Variants in NIPBL observed in about 807,000 individuals in gnomAD.
The protein encoded by NIPBL is nipped-B-like protein.
In NIPBL, 19 loss-of-function variants were observed where a neutral mutation model predicts 321.8. The observed-to-expected ratio is 0.06, with a 90% CI of 0.04 to 0.09. The LOEUF (loss-of-function observed/expected upper bound fraction) is 0.09. Ranked by LOEUF, NIPBL falls within the 10% of genes least tolerant of loss-of-function variation. The probability of loss-of-function intolerance (pLI) is 1.00; values close to 1 mark genes in which losing one functional copy is unlikely to be tolerated. For synonymous variants in NIPBL, 1,106 were observed against 1,114.1 expected, an observed-to-expected ratio of 0.99 and a Z score of 0.14; for missense variants, 2,210 against 3,327.0, an observed-to-expected ratio of 0.66 and a Z score of 8.26.
At chr5:36,984,581 C>T (rs777595352) in intron 9 of NIPBL, 95 bp from the exon 10 acceptor site, 1 of 1,151,434 alleles carries the variant, frequency 8.7e-7, no homozygotes, top group Non-Finnish European at 1.2e-6. Flanking sequence ...ATTTTAAAAA[C>T]ATAACCTTAA....
chr5:36,995,861 T>G, intron 11 of NIPBL, 57 bp downstream of exon 11: 17 of 1,465,768 alleles, frequency 1.2e-5, no homozygotes, highest in Non-Finnish European at 1.6e-5. Context: ...GGTTGATGTG[T>G]TTTTCTCATT....
chr5:37,052,223 C>A, intron 41 of NIPBL, 143 bp from the exon 42 acceptor site: 1 of 702,250 alleles, frequency 1.4e-6, no homozygotes, highest in South Asian at 1.8e-5. Flanking sequence ...TCTAATGTTC[C>A]TTCTAGCACT....
rs1272100912 is a variant in NIPBL at position 37,065,876 on chromosome 5, T to G, written c.*984T>G. On this transcript the variant is annotated 3_prime_UTR_variant, in exon 47 of 47. Coordinates refer to ENST00000282516, the MANE Select transcript of NIPBL (RefSeq NM_133433.4). Reference sequence around the variant, plus strand: ...TGTCATGATGCTGATATTTATTCTTTAAACCTCGGGTAAAGGTAACCTGTT... The same window carrying G: ...TGTCATGATGCTGATATTTATTCTTGAAACCTCGGGTAAAGGTAACCTGTT... 3 of 152,630 alleles carry G rather than the reference T, an allele frequency of 2.0e-5. No individual in the cohort carries two copies. Among genetic ancestry groups the G allele is most frequent in the Non-Finnish European group, 4.4e-5 (3 of 68,004 alleles). The allele number at this position is 152,630 out of a possible 1,614,324, so 9.5% of individuals were successfully genotyped here. A position where few individuals can be genotyped will look rare whatever the true frequency, so the allele number is the denominator to read the frequency against.
chr5:36,926,440 G>A (rs1439335688), intron 1 of NIPBL, among the ~76,000 whole-genome samples: 2 of 152,188 alleles, frequency 1.3e-5, no homozygotes, highest in African/African-American at 2.4e-5. Flanking sequence ...GGTAGAGACA[G>A]CCAAAAGGCT....
intron 1 of NIPBL, among the ~76,000 whole-genome samples, chr5:36,888,428 T>C (rs1386716080): frequency 1.3e-5 from 2 of 152,150 alleles, no homozygotes; most frequent in African/African-American, 4.8e-5. Context: ...ATTTCAATAC[T>C]TTGTGTTTAT....
At chr5:37,007,969 A>G (rs368842264) in intron 18 of NIPBL, 39 bp from the exon 19 acceptor site, 6 of 1,145,410 alleles carry the variant, frequency 5.2e-6, no homozygotes, top group Non-Finnish European at 6.6e-6. Flanking sequence ...ACTGAAATCA[A>G]CTAAAGGTGT....
chr5:36,879,937 C>G (rs1745379736), intron 1 of NIPBL, among the ~76,000 whole-genome samples: 1 of 151,966 alleles, frequency 6.6e-6, no homozygotes, highest in Non-Finnish European at 1.5e-5. Flanking sequence ...AATTTGTTTA[C>G]TAAAGTTATC....
intron 7 of NIPBL, 72 bp from the exon 8 acceptor site, chr5:36,971,873 T>C (rs974676010): frequency 1.2e-5 from 18 of 1,534,896 alleles, no homozygotes; most frequent in Non-Finnish European, 1.5e-5. Flanking sequence ...ATGTCTCTTA[T>C]TGGTTCTCTT....
intron 40 of NIPBL, among the ~76,000 whole-genome samples, chr5:37,050,072 G>C (rs1370432452): frequency 6.6e-6 from 1 of 152,138 alleles, no homozygotes. Flanking sequence ...ACATTATAAT[G>C]AAACAGTAGT....
Position 37,049,319 on chromosome 5 carries a change from C to T in NIPBL, c.6954+18C>T, listed in dbSNP as rs1753280855. On this transcript the variant is annotated intron_variant, in intron 40 of 46. Transcript: ENST00000282516. ...CAGTTCAGGTAAGCATGTTTTATGG[C>T]AGCAGCACTTACTAAAAGAGCAAGA... 6.2e-7 allele frequency: 1 copy of T among 1,612,080 alleles called. No individual in the cohort carries two copies. Among genetic ancestry groups the T allele is most frequent in the Non-Finnish European group, 8.5e-7 (1 of 1,178,260 alleles).
intron 42 of NIPBL, among the ~76,000 whole-genome samples, chr5:37,053,694 C>A (rs1753801684): frequency 6.6e-6 from 1 of 152,172 alleles, no homozygotes; most frequent in African/African-American, 2.4e-5. Context: ...GGCTGTTGCA[C>A]TAGTTGCATT....
At chr5:36,912,171 A>T (rs1748098467) in intron 1 of NIPBL, among the ~76,000 whole-genome samples, 2 of 152,176 alleles carry the variant, frequency 1.3e-5, no homozygotes, top group African/African-American at 2.4e-5. Flanking sequence ...TAGATTTAAG[A>T]AATACAGATA....
At chr5:36,891,172 G>C (rs770299136) in intron 1 of NIPBL, among the ~76,000 whole-genome samples, 61 of 152,244 alleles carry the variant, frequency 4.0e-4, no homozygotes, top group Non-Finnish European at 7.2e-4. Context: ...GGCTGAGGCA[G>C]GAGAACGGCA....
At chr5:36,993,643 CAAAACA>C (rs1357594557) in intron 10 of NIPBL, among the ~76,000 whole-genome samples, 1 of 151,214 alleles carries the variant, frequency 6.6e-6, no homozygotes, top group African/African-American at 2.4e-5. Flanking sequence ...TTAATCTAAG[CAAAACA>C]CTTAGGTACA....
chr5:36,995,721 G>A lies in NIPBL; in HGVS notation c.3221G>A (p.Arg1074His). The A allele has an allele frequency of 6.2e-7, 1 of 1,613,632 alleles. No individual in the cohort carries two copies. The highest frequency in any genetic ancestry group is 8.5e-7 in the Non-Finnish European group (1 of 1,179,750). Residue 1074 changes from arginine to histidine, a missense_variant, in exon 11 of 47, where the codon CGC (arginine) becomes CAC (histidine). Arg to His is a conservative substitution (Grantham distance 29). Transcript: ENST00000282516. ...TGTGAACGTGTGAAAATGAACAAAC[G>A]CAAGCGTAGCACAGTTAATGAAAAG... Reference protein sequence around the residue: ...PLCERVKMNKRKRSTVNEKPK... With the variant: ...PLCERVKMNKHKRSTVNEKPK...
chr5:37,011,706 AATT>A (rs1345588226), intron 21 of NIPBL, among the ~76,000 whole-genome samples: 1 of 152,048 alleles, frequency 6.6e-6, no homozygotes, highest in Admixed American at 6.5e-5. Context: ...TCTTTCTTTT[AATT>A]ATTTTTATGT....
intron 38 of NIPBL, among the ~76,000 whole-genome samples, chr5:37,047,754 A>G (rs986160704): frequency 1.2e-4 from 19 of 152,172 alleles, no homozygotes; most frequent in African/African-American, 2.4e-4. Context: ...TGATCACTCT[A>G]TGCTTTGAGT....
In NIPBL at chr5:37,064,735, G is replaced by T. The variant is rs1360836577; in HGVS notation, c.8258G>T (p.Arg2753Leu). The change falls in exon 47 of 47, where the codon CGC (arginine) becomes CTC (leucine). Residue 2753 changes from arginine to leucine, a missense_variant. Transcript: ENST00000282516. ...AGTGGCTCCTGGACTGAGGCTAAGC[G>T]CCGTGATGGCCGCAAACTGGTGCCT... is the stretch of plus-strand genomic sequence containing the variant. ...SYSGSWTEAKRRDGRKLVPWV... is the reference protein window; with the variant it reads ...SYSGSWTEAKLRDGRKLVPWV... The T allele has an allele frequency of 6.2e-7, 1 of 1,614,044 alleles. No homozygotes were observed. The highest frequency in any genetic ancestry group is 1.3e-5 in the African/African-American group (1 of 74,922).
intron 1 of NIPBL, among the ~76,000 whole-genome samples, chr5:36,928,022 C>G (rs1580253410): frequency 6.6e-6 from 1 of 151,928 alleles, no homozygotes; most frequent in African/African-American, 2.4e-5. Context: ...CACTTTCTTT[C>G]AATAAAACCA....
Sources: allele counts gnomAD v4.1 joint callset (sites outside exome capture counted in the v4.1 genomes callset), GRCh38; gene constraint gnomAD v4.1.1; transcripts MANE v1.5; gene names NCBI Gene and HGNC (gene_info 2026-07-23, HGNC 2026-07-21).